The following LARGE1 variants were observed in gnomAD, a reference collection of about 807,000 sequenced individuals.
The protein encoded by LARGE1 is LARGE xylosyl- and glucuronyltransferase 1.
A neutral mutation model predicts 87.6 loss-of-function variants in LARGE1; 43 were observed. That is an observed-to-expected ratio of 0.49 (90% confidence interval 0.38 to 0.63). The LOEUF (loss-of-function observed/expected upper bound fraction) is 0.63. Ranked by LOEUF, LARGE1 falls within the 30% of genes least tolerant of loss-of-function variation. The pLI, the probability that LARGE1 is intolerant of heterozygous loss-of-function variation, is 0.00. For missense variants in LARGE1, 802 were observed against 1,000.2 expected (o/e 0.80, Z 2.67); for synonymous variants, 434 against 394.6 (o/e 1.10, Z -1.18).
At position 33,915,042 on chromosome 22, in the gene LARGE1, C is replaced by CACAGAGAG. The variant is rs144076486; in HGVS notation, c.-83+4952_-83+4953insCTCTCTGT. ...ACACACACACACACACACACACACA[C>CACAGAGAG]AGAGAGAGAGAGAGAGAGAGAGGCT... On this transcript the variant is annotated intron_variant, in intron 1 of 14. Coordinates refer to ENST00000397394, the MANE Select transcript of LARGE1 (RefSeq NM_133642.5). Among the ~76,000 whole-genome samples, 403 of 137,096 alleles carry CACAGAGAG rather than the reference C, an allele frequency of 2.9e-3. 1 individual carries two copies. The highest frequency in any genetic ancestry group is 3.5e-3 in the African/African-American group (128 of 36,078). 89.9% of individuals were successfully genotyped at this position (137,096 alleles called of 152,430 possible). A position where few individuals can be genotyped will look rare whatever the true frequency, so the allele number is the denominator to read the frequency against.
At chr22:33,427,140 C>A (rs2066907229) in intron 7 of LARGE1, among the ~76,000 whole-genome samples, 1 of 152,220 alleles carries the variant, frequency 6.6e-6, no homozygotes, top group African/African-American at 2.4e-5. Context: ...TTGTTGTTTT[C>A]TAAGTCCTGC....
chr22:33,605,916 G>C (rs916966849), intron 4 of LARGE1, among the ~76,000 whole-genome samples: 1 of 152,162 alleles, frequency 6.6e-6, no homozygotes, highest in Middle Eastern at 3.2e-3. Context: ...ACGTGTAAGA[G>C]GAGAGGGAAG....
intron 6 of LARGE1, among the ~76,000 whole-genome samples, chr22:33,467,777 CAA>C (rs763388561): frequency 9.2e-5 from 14 of 152,186 alleles, no homozygotes; most frequent in Non-Finnish European, 1.9e-4. Context: ...GGGTGGAAAG[CAA>C]CAGAGGCGCT....
Position 33,840,675 on chromosome 22 carries a change from C to CT in LARGE1, c.-82-79118dup, listed in dbSNP as rs35709738. 8.7e-4 allele frequency among the ~76,000 whole-genome samples: 129 copies of CT among 148,540 alleles called. 1 individual carries two copies. The highest frequency in any genetic ancestry group is 6.8e-3 in the Middle Eastern group (2 of 292). Reference sequence around the variant, plus strand: ...GGATAATTCGACTTAGATTTTTCAGCTTTTTTTTTTTCTGGGAAAGGGTCT... The same window carrying CT: ...GGATAATTCGACTTAGATTTTTCAGCTTTTTTTTTTTTCTGGGAAAGGGTCT... On this transcript the variant is annotated intron_variant, in intron 1 of 14. Coordinates refer to ENST00000397394, the MANE Select transcript of LARGE1 (RefSeq NM_133642.5).
the LARGE1 span, among the ~76,000 whole-genome samples, chr22:33,121,676 A>G: frequency 6.6e-6 from 1 of 152,170 alleles, no homozygotes; most frequent in Non-Finnish European, 1.5e-5. Flanking sequence ...GTGGGGAGAT[A>G]CCCAGTACCC....
intron 4 of LARGE1, among the ~76,000 whole-genome samples, chr22:33,620,832 G>A (rs1296825060): frequency 6.6e-6 from 1 of 152,082 alleles, no homozygotes; most frequent in Non-Finnish European, 1.5e-5. Context: ...CAGGAGAATT[G>A]CTTGAACCCA....
chr22:33,080,951 TTCCA>T, the LARGE1 span, among the ~76,000 whole-genome samples: 12,860 of 149,286 alleles, frequency 0.086, 1,412 homozygotes, highest in African/African-American at 0.26. Context: ...TCCATCTGTC[TTCCA>T]TCCATCCATC....
intron 5 of LARGE1, among the ~76,000 whole-genome samples, chr22:33,579,648 A>G (rs909360794): frequency 2.0e-5 from 3 of 151,986 alleles, no homozygotes; most frequent in African/African-American, 7.3e-5. Flanking sequence ...GAAAAACTAA[A>G]CTATGACATC....
chr22:33,384,182 G>T lies in LARGE1; in HGVS notation c.1005+10C>A. Reference sequence around the variant, plus strand: ...CAGGAATAGCTGCACCTTCGAACCTGGCCACTCACCTGGTCAGCTAAGGAT... The same window carrying T: ...CAGGAATAGCTGCACCTTCGAACCTTGCCACTCACCTGGTCAGCTAAGGAT... On this transcript the variant is annotated intron_variant, in intron 8 of 14. Transcript: ENST00000397394. 1 of 1,596,642 alleles carries T rather than the reference G, an allele frequency of 6.3e-7. No individual in the cohort carries two copies. Among genetic ancestry groups the T allele is most frequent in the Non-Finnish European group, 8.6e-7 (1 of 1,164,142 alleles).
intron 1 of LARGE1, among the ~76,000 whole-genome samples, chr22:33,839,802 A>G (rs2146401942): frequency 6.6e-6 from 1 of 152,368 alleles, no homozygotes; most frequent in Admixed American, 6.5e-5. Context: ...CCTACCAGGT[A>G]TGAGGCACTT....
chr22:33,687,465 T>C (rs971938012), intron 2 of LARGE1, among the ~76,000 whole-genome samples: 1 of 151,844 alleles, frequency 6.6e-6, no homozygotes, highest in Non-Finnish European at 1.5e-5. Flanking sequence ...AAACTAAGTA[T>C]TATGAGGGCA....
intron 1 of LARGE1, among the ~76,000 whole-genome samples, chr22:33,829,056 T>G (rs1014024435): frequency 1.4e-5 from 2 of 141,208 alleles, no homozygotes; most frequent in African/African-American, 5.2e-5. Flanking sequence ...TTGCCCAGGC[T>G]GGAGTGCAGT....
chr22:33,279,895 C>T (rs777760175), intron 13 of LARGE1, among the ~76,000 whole-genome samples: 1 of 152,200 alleles, frequency 6.6e-6, no homozygotes, highest in Non-Finnish European at 1.5e-5. Context: ...ATGGAGCCAT[C>T]AGGCCAGGGT....
chr22:33,505,333 C>CT (rs1168633227), intron 6 of LARGE1, among the ~76,000 whole-genome samples: 1 of 152,170 alleles, frequency 6.6e-6, no homozygotes, highest in Non-Finnish European at 1.5e-5. Context: ...AGGGGAATGC[C>CT]AGGTTTCTGT....
chr22:33,775,269 A>G (rs1445187107), intron 1 of LARGE1, among the ~76,000 whole-genome samples: 3 of 152,192 alleles, frequency 2.0e-5, no homozygotes, highest in South Asian at 2.1e-4. Flanking sequence ...GCTTCTCTCA[A>G]TTTGGTAGCA....
At chr22:33,389,811 C>CT (rs1004794281) in intron 7 of LARGE1, among the ~76,000 whole-genome samples, 28 of 152,114 alleles carry the variant, frequency 1.8e-4, no homozygotes, top group African/African-American at 6.3e-4. Flanking sequence ...CATCACTGTA[C>CT]TCCAGCCAGG....
chr22:33,500,354 G>A (rs907570266), intron 6 of LARGE1, among the ~76,000 whole-genome samples: 6 of 152,074 alleles, frequency 3.9e-5, no homozygotes, highest in African/African-American at 1.4e-4. Context: ...AATTAGCAAG[G>A]CACTTACTTT....
chr22:33,435,391 A>T (rs942579194), intron 6 of LARGE1, among the ~76,000 whole-genome samples: 6 of 152,148 alleles, frequency 3.9e-5, no homozygotes, highest in Non-Finnish European at 7.4e-5. Flanking sequence ...TTTATAAATA[A>T]CCACTTCCTG....
At chr22:33,910,755 G>T (rs576247219) in intron 1 of LARGE1, among the ~76,000 whole-genome samples, 1 of 152,306 alleles carries the variant, frequency 6.6e-6, no homozygotes, top group Non-Finnish European at 1.5e-5. Context: ...GAGAGAGGAT[G>T]GGGGGTTGGA....
Sources: allele counts gnomAD v4.1 joint callset (sites outside exome capture counted in the v4.1 genomes callset), GRCh38; gene constraint gnomAD v4.1.1; transcripts MANE v1.5; gene names NCBI Gene and HGNC (gene_info 2026-07-23, HGNC 2026-07-21).